Variants in MICALL2 observed in about 807,000 individuals in gnomAD.
The protein encoded by MICALL2 is MICAL like 2.
In MICALL2, 111 loss-of-function variants were observed where a neutral mutation model predicts 91.1. The ratio of observed to expected loss-of-function variants is 1.22; its 90% CI spans 1.04 to 1.43. The LOEUF (loss-of-function observed/expected upper bound fraction) is 1.43, where lower values mean the gene tolerates loss of function less well. Among genes scored for constraint, MICALL2 ranks in the 40% most tolerant of loss-of-function variants. MICALL2 has a pLI of 0.00. For synonymous variants in MICALL2, 694 were observed against 525.3 expected (o/e 1.32, Z -4.39); for missense variants, 1,556 against 1,236.0 (o/e 1.26, Z -3.88).
chr7:1,446,296 AAG>A (rs200468021), intron 5 of MICALL2, among the ~76,000 whole-genome samples: 2 of 23,336 alleles, frequency 8.6e-5, no homozygotes, highest in Non-Finnish European at 1.8e-4. Context: ...GAGGGGGAAA[AAG>A]GGGGAGGAGG....
chr7:1,456,934 G>A (rs991676306), intron 1 of MICALL2, among the ~76,000 whole-genome samples: 2 of 152,162 alleles, frequency 1.3e-5, no homozygotes, highest in Non-Finnish European at 2.9e-5. Context: ...TCCTACTGCC[G>A]TAACAAATTG....
chr7:1,454,263 G>A (rs1412368035), intron 1 of MICALL2, among the ~76,000 whole-genome samples: 2 of 152,156 alleles, frequency 1.3e-5, no homozygotes, highest in Admixed American at 6.5e-5. Context: ...AGGGAGCAGA[G>A]GGAGTGGGGA....
intron 10 of MICALL2, 190 bp from the exon 11 acceptor site, chr7:1,438,543 C>A: frequency 4.9e-6 from 7 of 1,432,262 alleles, no homozygotes; most frequent in Non-Finnish European, 6.4e-6. Flanking sequence ...CAGGCCCAGC[C>A]CCACCCTGCA....
chr7:1,436,709 G>A (rs763722719), intron 15 of MICALL2, 33 bp downstream of exon 15: 10 of 1,553,774 alleles, frequency 6.4e-6, no homozygotes, highest in Non-Finnish European at 8.7e-6. Flanking sequence ...GACCTGGCCT[G>A]GCTGGGAGGG....
chr7:1,437,710 G>A lies in MICALL2; in HGVS notation c.2403-102C>T, dbSNP rs148365760. 8.9e-5 allele frequency: 120 copies of A among 1,343,160 alleles called. 2 individuals are homozygous for A. Among genetic ancestry groups the A allele is most frequent in the South Asian group, 6.3e-4 (50 of 79,486 alleles). 83.2% of individuals were successfully genotyped at this position (1,343,160 alleles called of 1,614,324 possible). ...TCCTGGACCTGCCACACAGACACGAGTCTGAGGCCTGACTCGCCGCCCGTC... is the reference window on the plus strand; with the variant it reads ...TCCTGGACCTGCCACACAGACACGAATCTGAGGCCTGACTCGCCGCCCGTC... On this transcript the variant is annotated intron_variant, in intron 13 of 16. Transcript: ENST00000297508.
chr7:1,455,702 C>T (rs1262904758), intron 1 of MICALL2, among the ~76,000 whole-genome samples: 1 of 151,884 alleles, frequency 6.6e-6, no homozygotes, highest in East Asian at 1.9e-4. Flanking sequence ...TGGCCTGGCG[C>T]CCGAGCTGGT....
rs770357246 is a variant in MICALL2, at chr7:1,438,865, C to T, written c.2097G>A (p.Lys699=). 9 of 1,609,150 alleles carry T rather than the reference C, an allele frequency of 5.6e-6. No individual in the cohort carries two copies. In the Admixed American group the frequency reaches 8.3e-5, roughly 15 times the overall value. Residue 699 remains lysine (K), a synonymous_variant, in exon 10 of 17, where the codon AAG becomes AAA. Transcript: ENST00000297508. ...ARVQSWKEEE[K]KPHLQGKPGR... is the part of the protein sequence containing the mutation. ...CTGGTTTGCCCTGAAGGTGAGGTTTCTTCTCCTCCTCCTTCCAGCTCTGCA... is the reference window on the plus strand; with the variant it reads ...CTGGTTTGCCCTGAAGGTGAGGTTTTTTCTCCTCCTCCTTCCAGCTCTGCA...
Position 1,453,412 on chromosome 7 carries a change from G to A in MICALL2, c.144-3124C>T, listed in dbSNP as rs138767754. Among the ~76,000 whole-genome samples, 399 of 152,120 alleles carry A rather than the reference G, an allele frequency of 2.6e-3. 4 individuals are homozygous for A. Among genetic ancestry groups the A allele is most frequent in the East Asian group, 8.7e-3 (45 of 5,162 alleles). On this transcript the variant is annotated intron_variant, in intron 1 of 16. Transcript: ENST00000297508. ...CACCCCAGAGCCAAGGAGAGAGGCC[G>A]GGAAGATCCTCCCTCCTGCCCCCAG...
chr7:1,437,559 G>A lies in MICALL2; in HGVS notation c.2452C>T (p.Leu818=). The change falls in exon 14 of 17, where the codon CTG becomes TTG. Residue 818 remains leucine, a synonymous_variant. Transcript: ENST00000297508. ...EEQQLDIEGE[L]RRLMAKPEAL... is the part of the protein sequence containing the mutation. ...CCGGGCTTGGCCATGAGCCGGCGCA[G>A]CTCGCCCTCGATGTCCAGCTGCTGC... 1 of 1,532,978 alleles carries A rather than the reference G, an allele frequency of 6.5e-7. No individual in the cohort carries two copies. The highest frequency in any genetic ancestry group is 8.7e-7 in the Non-Finnish European group (1 of 1,145,036). 95.0% of individuals were successfully genotyped at this position (1,532,978 alleles called of 1,614,324 possible). A position where few individuals can be genotyped will look rare whatever the true frequency, so the allele number is the denominator to read the frequency against.
Position 1,451,973 on chromosome 7 carries a change from G to A in MICALL2, c.144-1685C>T, listed in dbSNP as rs1249842430. 4.6e-5 allele frequency among the ~76,000 whole-genome samples: 7 copies of A among 152,202 alleles called. No homozygotes were observed. Among genetic ancestry groups the A allele is most frequent in the South Asian group, 2.1e-4 (1 of 4,834 alleles). ...AACTGAGGCCAGGCAGCAGCCACAC[G>A]GTGGGGTGGGGGCAGTGGGATGGGG... On this transcript the variant is annotated intron_variant, in intron 1 of 16. Coordinates refer to ENST00000297508, the MANE Select transcript of MICALL2 (RefSeq NM_182924.4). This position sits in a 1 kb window ranked among gnomAD's most constrained non-coding sequence, Gnocchi z 4.5.
chr7:1,457,594 T>C (rs1243971710), intron 1 of MICALL2, among the ~76,000 whole-genome samples: 2 of 151,950 alleles, frequency 1.3e-5, no homozygotes, highest in Non-Finnish European at 2.9e-5. Context: ...ACTGAGGAGA[T>C]ACACAGCGAC....
chr7:1,448,349 C>T (rs536466685), intron 3 of MICALL2, among the ~76,000 whole-genome samples: 2 of 152,328 alleles, frequency 1.3e-5, no homozygotes, highest in South Asian at 2.1e-4. Context: ...GGGGAAGCAG[C>T]GGGGGCAGCT....
At chr7:1,442,550 C>A (rs950591228) in intron 6 of MICALL2, 66 bp from the exon 7 acceptor site, 1 of 1,453,136 alleles carries the variant, frequency 6.9e-7, no homozygotes, top group East Asian at 2.3e-5. Flanking sequence ...TCACCCGAGG[C>A]CGCCCCTCTG....
intron 1 of MICALL2, among the ~76,000 whole-genome samples, chr7:1,458,521 C>G (rs1427810118): frequency 6.6e-6 from 1 of 152,234 alleles, no homozygotes; most frequent in Non-Finnish European, 1.5e-5. Context: ...GGTCCAGGCT[C>G]GGGCCAAGAT....
chr7:1,441,249 C>T (rs371116831), intron 7 of MICALL2: 23 of 160,388 alleles, frequency 1.4e-4, no homozygotes, highest in Non-Finnish European at 2.1e-4. Context: ...GACTCGGCTG[C>T]CCCCAGGTTG....
rs932846631 is a variant in MICALL2, at chr7:1,451,173, G to A, written c.144-885C>T. ...GTCCCCGGCCAGCCTGGACAGCAGG[G>A]CCCTTCTGGGGACGCCAAGAGGACA... On this transcript the variant is annotated intron_variant, in intron 1 of 16. Transcript: ENST00000297508. This position sits in a 1 kb window ranked among gnomAD's most constrained non-coding sequence, Gnocchi z 4.5. 5.9e-5 allele frequency among the ~76,000 whole-genome samples: 9 copies of A among 152,144 alleles called. No individual in the cohort carries two copies. Among genetic ancestry groups the A allele is most frequent in the Non-Finnish European group, 8.8e-5 (6 of 68,020 alleles).
At chr7:1,447,392 G>T (rs970546293) in intron 4 of MICALL2, among the ~76,000 whole-genome samples, 183 bp downstream of exon 4, 20 of 152,238 alleles carry the variant, frequency 1.3e-4, no homozygotes, top group Middle Eastern at 3.4e-3. Context: ...ACAACCCCTG[G>T]CTTGATGGAG....
intron 1 of MICALL2, among the ~76,000 whole-genome samples, chr7:1,458,148 T>G (rs1234347794): frequency 6.6e-6 from 1 of 151,884 alleles, no homozygotes; most frequent in African/African-American, 2.4e-5. Context: ...CTGCAGAGAG[T>G]GGGACTGGCA....
At chr7:1,444,033 C>T (rs1403020404) in intron 6 of MICALL2, among the ~76,000 whole-genome samples, 5 of 150,578 alleles carry the variant, frequency 3.3e-5, no homozygotes, top group Admixed American at 6.6e-5. Context: ...CCTGTCCCCG[C>T]GTCCACTCAG....
Sources: allele counts gnomAD v4.1 joint callset (sites outside exome capture counted in the v4.1 genomes callset), GRCh38; gene constraint gnomAD v4.1.1; non-coding constraint Gnocchi (gnomAD v3.1); transcripts MANE v1.5; gene names NCBI Gene and HGNC (gene_info 2026-07-23, HGNC 2026-07-21).